ZNF568: variants seen among roughly 807,000 people sequenced by gnomAD.
ZNF568 encodes p53 inhibitor of SCO2 activation.
ZNF568 carries 11 observed loss-of-function variants against 18.1 expected under a neutral mutation model. The ratio of observed to expected loss-of-function variants is 0.61; its 90% CI spans 0.38 to 1.00. The LOEUF (loss-of-function observed/expected upper bound fraction) is 1.00. ZNF568 is among the 50% of genes least tolerant of loss of function. ZNF568 has a pLI of 0.01. For synonymous variants in ZNF568, 213 were observed against 246.6 expected (o/e 0.86, Z 1.28); for missense variants, 639 against 768.2 (o/e 0.83, Z 1.99).
intron 6 of ZNF568, among the ~76,000 whole-genome samples, chr19:36,943,614 G>A (rs1041067720): frequency 2.6e-5 from 4 of 151,820 alleles, no homozygotes; most frequent in Non-Finnish European, 4.4e-5. Context: ...TTGCTCTGTC[G>A]CCCAGGCTGG....
At chr19:36,960,899 C>T (rs2074143832) in intron 6 of ZNF568, among the ~76,000 whole-genome samples, 1 of 151,970 alleles carries the variant, frequency 6.6e-6, no homozygotes, top group African/African-American at 2.4e-5. Context: ...GATAAGATTT[C>T]AGCTTTTAAA....
rs2073755487 is a variant in ZNF568 at position 36,934,484 on chromosome 19, C to G, written c.136-2262C>G. On this transcript the variant is annotated intron_variant, in intron 4 of 6. Transcript: ENST00000333987. Reference sequence around the variant, plus strand: ...TACTGGCATACACCACCACGCCCTACTAAGTTTTTGTATTTTTTGTAGAGA... The same window carrying G: ...TACTGGCATACACCACCACGCCCTAGTAAGTTTTTGTATTTTTTGTAGAGA... Among the ~76,000 whole-genome samples, 3 of 151,816 alleles carry G rather than the reference C, an allele frequency of 2.0e-5. No individual in the cohort carries two copies. In the South Asian group the frequency reaches 6.2e-4, roughly 32 times the overall value.
At chr19:36,975,681 CTTT>C (rs1193440344) in intron 7 of ZNF568, among the ~76,000 whole-genome samples, 41 of 75,778 alleles carry the variant, frequency 5.4e-4, no homozygotes, top group Admixed American at 2.0e-3. Context: ...CGCGCCAAGA[CTTT>C]TTTTTTTTTT....
chr19:36,977,312 C>T (rs1429730542), intron 7 of ZNF568, among the ~76,000 whole-genome samples: 1 of 152,116 alleles, frequency 6.6e-6, no homozygotes, highest in East Asian at 1.9e-4. Flanking sequence ...TATAAAATTC[C>T]AAATTTGGAG....
intron 7 of ZNF568, among the ~76,000 whole-genome samples, chr19:36,975,712 TCTTGCTCTGTCA>T (rs1301043338): frequency 4.7e-5 from 4 of 85,304 alleles, no homozygotes; most frequent in Non-Finnish European, 8.9e-5. Flanking sequence ...TGAGACAGAG[TCTTGCTCTGTCA>T]CTCAGGCTGG....
At chr19:36,958,332 A>G (rs972683319) in intron 6 of ZNF568, among the ~76,000 whole-genome samples, 1 of 152,156 alleles carries the variant, frequency 6.6e-6, no homozygotes. Context: ...AAGAGAGGGT[A>G]GAGAATTGAT....
chr19:36,964,340 T>C (rs906105080), intron 6 of ZNF568, among the ~76,000 whole-genome samples: 1 of 152,218 alleles, frequency 6.6e-6, no homozygotes, highest in African/African-American at 2.4e-5. Context: ...TTGTGAAATA[T>C]TACTTTCTTG....
chr19:36,982,290 G>GT (rs1196955022), downstream of ZNF568, among the ~76,000 whole-genome samples: 3 of 151,752 alleles, frequency 2.0e-5, no homozygotes, highest in Admixed American at 6.6e-5. Flanking sequence ...GTTTGCACTT[G>GT]TTTTTTTTGT....
intron 4 of ZNF568, among the ~76,000 whole-genome samples, chr19:36,993,833 T>A (rs1352111508): frequency 6.6e-6 from 1 of 152,132 alleles, no homozygotes; most frequent in Non-Finnish European, 1.5e-5. Flanking sequence ...ATTCTGTTGA[T>A]CTTTTCCAAA....
intron 2 of ZNF568, among the ~76,000 whole-genome samples, chr19:36,988,705 A>G (rs1621329): frequency 0.53 from 81,043 of 151,894 alleles, 22,145 homozygotes; most frequent in African/African-American, 0.62. Flanking sequence ...GATCCAAACC[A>G]TATCAGACAC....
chr19:36,930,725 T>C (rs1307480190), intron 4 of ZNF568, among the ~76,000 whole-genome samples: 1 of 152,218 alleles, frequency 6.6e-6, no homozygotes, highest in East Asian at 1.9e-4. Flanking sequence ...TCACATTTAC[T>C]GTGTTATTTA....
downstream of ZNF568, chr19:36,997,737 CAG>C: frequency 1.4e-6 from 1 of 710,006 alleles, no homozygotes; most frequent in South Asian, 1.8e-5. Context: ...AGGGATGGCT[CAG>C]AATTTGATTG....
At chr19:36,943,137 T>C (rs2073911316) in intron 6 of ZNF568, among the ~76,000 whole-genome samples, 1 of 152,218 alleles carries the variant, frequency 6.6e-6, no homozygotes, top group Non-Finnish European at 1.5e-5. Context: ...TTGGCAAGTA[T>C]ACCTCATAGG....
intron 4 of ZNF568, among the ~76,000 whole-genome samples, chr19:36,994,476 A>T (rs2074452564): frequency 1.3e-5 from 2 of 152,188 alleles, no homozygotes; most frequent in African/African-American, 4.8e-5. Context: ...TCTTCTGCCT[A>T]GCTATTCTAT....
downstream of ZNF568, among the ~76,000 whole-genome samples, chr19:36,983,610 A>G (rs546352335): frequency 6.6e-5 from 10 of 152,294 alleles, no homozygotes; most frequent in African/African-American, 2.4e-4. Context: ...TTAATTTAGT[A>G]TCTAAATATT....
At chr19:36,918,405 G>T (rs1479544251) in intron 2 of ZNF568, among the ~76,000 whole-genome samples, 2 of 152,052 alleles carry the variant, frequency 1.3e-5, no homozygotes, top group African/African-American at 4.8e-5. Context: ...ATCATCTCTA[G>T]ATTATTTGTA....
chr19:36,933,099 C>T (rs2073714635), intron 4 of ZNF568, among the ~76,000 whole-genome samples: 1 of 146,522 alleles, frequency 6.8e-6, no homozygotes, highest in Admixed American at 6.8e-5. Context: ...AAACCATTGC[C>T]TAATTCAATT....
At chr19:36,989,010 C>T (rs762102477) in intron 2 of ZNF568, among the ~76,000 whole-genome samples, 2 of 152,164 alleles carry the variant, frequency 1.3e-5, no homozygotes, top group African/African-American at 2.4e-5. Context: ...ACCCCCACCC[C>T]GTCTCTGGTA....
intron 4 of ZNF568, among the ~76,000 whole-genome samples, chr19:36,935,622 C>A (rs1385164565): frequency 6.7e-6 from 1 of 148,698 alleles, no homozygotes; most frequent in Non-Finnish European, 1.5e-5. Flanking sequence ...TTGCCAGTTT[C>A]TGCCTTCAAT....
Sources: gnomAD v4.1 joint callset for allele counts (sites outside exome capture counted in the v4.1 genomes callset) on GRCh38, gnomAD v4.1.1 for gene constraint, MANE v1.5 for transcripts, NCBI Gene and HGNC (gene_info 2026-07-23, HGNC 2026-07-21) for gene names.